The following DYNC1I1 variants were observed in gnomAD, a reference collection of about 807,000 sequenced individuals.
DYNC1I1 encodes the protein dynein cytoplasmic 1 intermediate chain 1.
A neutral mutation model predicts 86.6 loss-of-function variants in DYNC1I1; 43 were observed. The observed-to-expected ratio is 0.50, with a 90% CI of 0.39 to 0.64. The LOEUF is 0.64. Among genes scored for constraint, DYNC1I1 ranks in the 30% least tolerant of loss-of-function variants. The pLI is 0.00. For synonymous variants in DYNC1I1, 262 were observed against 283.7 expected (o/e 0.92, Z 0.77); for missense variants, 604 against 788.8 (o/e 0.77, Z 2.81).
intron 1 of DYNC1I1, among the ~76,000 whole-genome samples, chr7:95,773,570 G>T (rs868269276): frequency 6.6e-6 from 1 of 152,124 alleles, no homozygotes; most frequent in Non-Finnish European, 1.5e-5. Context: ...AAATTACATA[G>T]GAGATCAGAG....
chr7:96,094,343 G>T (rs1790935257), intron 16 of DYNC1I1, among the ~76,000 whole-genome samples: 1 of 152,172 alleles, frequency 6.6e-6, no homozygotes, highest in Non-Finnish European at 1.5e-5. Flanking sequence ...GATTAAGATA[G>T]TGTTGGATTA....
intron 5 of DYNC1I1, among the ~76,000 whole-genome samples, chr7:95,832,678 G>T (rs1349272921): frequency 6.6e-6 from 1 of 151,996 alleles, no homozygotes; most frequent in African/African-American, 2.4e-5. Context: ...GTGTGAGATG[G>T]TATCTCATTG....
intron 1 of DYNC1I1, among the ~76,000 whole-genome samples, chr7:95,780,370 C>T (rs1432806759): frequency 6.6e-6 from 1 of 151,570 alleles, no homozygotes; most frequent in East Asian, 1.9e-4. Flanking sequence ...AGGGTTCATG[C>T]TATTCTCCTG....
At chr7:95,860,321 C>T (rs922669939) in intron 5 of DYNC1I1, among the ~76,000 whole-genome samples, 2 of 152,148 alleles carry the variant, frequency 1.3e-5, no homozygotes, top group African/African-American at 4.8e-5. Context: ...AACTGTATCC[C>T]ACCCACGTAA....
At chr7:95,950,504 A>G (rs1792523710) in intron 6 of DYNC1I1, among the ~76,000 whole-genome samples, 1 of 152,188 alleles carries the variant, frequency 6.6e-6, no homozygotes, top group African/African-American at 2.4e-5. Flanking sequence ...TTGTCTGTTC[A>G]ATATGTGCCA....
intron 16 of DYNC1I1, among the ~76,000 whole-genome samples, chr7:96,104,592 C>A (rs1396581321): frequency 1.3e-5 from 2 of 151,884 alleles, no homozygotes; most frequent in Non-Finnish European, 2.9e-5. Flanking sequence ...TATGGATAAC[C>A]AGCTGTTTTG....
intron 1 of DYNC1I1, among the ~76,000 whole-genome samples, chr7:95,787,283 C>A (rs954057024): frequency 6.6e-6 from 1 of 152,130 alleles, no homozygotes; most frequent in African/African-American, 2.4e-5. Context: ...TTGGGCTAGG[C>A]ATGGCTGGGA....
chr7:95,900,121 C>T (rs574392998), intron 6 of DYNC1I1, among the ~76,000 whole-genome samples: 1 of 152,272 alleles, frequency 6.6e-6, no homozygotes, highest in South Asian at 2.1e-4. Flanking sequence ...CTGTAGAGGG[C>T]GTCCGAGGCT....
rs1367277478 is a variant in DYNC1I1 at position 95,848,670 on chromosome 7, A to G, written c.374+20554A>G. ...TGATTTCATATCTTGGCTATTGTGA[A>G]TGATACTGCAGTGAACATGGGGGTA... On this transcript the variant is annotated intron_variant, in intron 5 of 16. Coordinates refer to ENST00000447467, the MANE Select transcript of DYNC1I1 (RefSeq NM_001135556.2). Among the ~76,000 whole-genome samples, 3 of 152,106 alleles carry G rather than the reference A, an allele frequency of 2.0e-5. No homozygotes were observed. In the East Asian group the frequency reaches 5.8e-4, roughly 29 times the overall value.
intron 6 of DYNC1I1, among the ~76,000 whole-genome samples, chr7:95,952,601 G>A (rs78353682): frequency 2.0e-5 from 3 of 152,106 alleles, no homozygotes; most frequent in Non-Finnish European, 4.4e-5. Flanking sequence ...AAGGGTGCAC[G>A]TGGCCCTGCT....
intron 6 of DYNC1I1, among the ~76,000 whole-genome samples, chr7:95,884,793 C>CAA (rs201136452): frequency 0.032 from 4,010 of 126,474 alleles, 151 homozygotes; most frequent in East Asian, 0.12. Context: ...AAAAAAAAGA[C>CAA]AAAAAAAAAA....
At chr7:96,076,331 C>T in intron 15 of DYNC1I1, 134 bp downstream of exon 15, 7 of 1,306,434 alleles carry the variant, frequency 5.4e-6, no homozygotes, top group South Asian at 3.0e-5. Context: ...TGCCGGCCCC[C>T]ATTCTTGACT....
chr7:95,837,701 G>C (rs183445056), intron 5 of DYNC1I1: 4 of 153,218 alleles, frequency 2.6e-5, no homozygotes, highest in Admixed American at 2.0e-4. Flanking sequence ...TCGGAAAAGC[G>C]CAGTATTCGG....
chr7:95,942,292 G>A (rs1007125753), intron 6 of DYNC1I1, among the ~76,000 whole-genome samples: 8 of 151,976 alleles, frequency 5.3e-5, no homozygotes, highest in Non-Finnish European at 8.8e-5. Context: ...TAAGTTCCTC[G>A]ACACATACAG....
intron 13 of DYNC1I1, among the ~76,000 whole-genome samples, chr7:96,037,788 C>G (rs1788903290): frequency 6.6e-6 from 1 of 152,138 alleles, no homozygotes; most frequent in Admixed American, 6.6e-5. Context: ...TTACAACAAG[C>G]TGAATTTTGC....
chr7:96,034,504 C>T (rs550605103), intron 12 of DYNC1I1, among the ~76,000 whole-genome samples: 1 of 152,278 alleles, frequency 6.6e-6, no homozygotes, highest in South Asian at 2.1e-4. Flanking sequence ...CCATGGATGG[C>T]AGGGAGGAAT....
At chr7:95,940,417 C>T (rs961562415) in intron 6 of DYNC1I1, among the ~76,000 whole-genome samples, 1 of 152,134 alleles carries the variant, frequency 6.6e-6, no homozygotes, top group East Asian at 1.9e-4. Context: ...CCATTCTCCC[C>T]GTCACTTTCA....
rs73708452 is a variant in DYNC1I1 at position 96,040,341 on chromosome 7, A to T, written c.1509+920A>T. On this transcript the variant is annotated intron_variant, in intron 14 of 16. Coordinates refer to ENST00000447467, the MANE Select transcript of DYNC1I1 (RefSeq NM_001135556.2). ...AGACCACTTGGAAGGAAGGCACAATAATCTAGGAAAGAAATGACAGTGACT... is the reference window on the plus strand; with the variant it reads ...AGACCACTTGGAAGGAAGGCACAATTATCTAGGAAAGAAATGACAGTGACT... Among the ~76,000 whole-genome samples the T allele has an allele frequency of 5.3e-5, 8 of 152,330 alleles. No individual in the cohort carries two copies. The East Asian group carries it at 1.3e-3, about 26-fold the overall frequency.
At chr7:95,946,726 C>A (rs1035012104) in intron 6 of DYNC1I1, among the ~76,000 whole-genome samples, 2 of 152,180 alleles carry the variant, frequency 1.3e-5, no homozygotes, top group African/African-American at 4.8e-5. Flanking sequence ...GAGCCAAGTC[C>A]TATCTTAGAT....
Sources: allele counts gnomAD v4.1 joint callset (sites outside exome capture counted in the v4.1 genomes callset), GRCh38; gene constraint gnomAD v4.1.1; transcripts MANE v1.5; gene names NCBI Gene and HGNC (gene_info 2026-07-23, HGNC 2026-07-21).